The following LILRB4 variants were observed in gnomAD, a reference collection of about 807,000 sequenced individuals.
LILRB4 encodes leukocyte immunoglobulin like receptor B4.
In LILRB4, 49 loss-of-function variants were observed where a neutral mutation model predicts 55.2. That is an observed-to-expected ratio of 0.89 (90% confidence interval 0.71 to 1.13). LILRB4 has a LOEUF of 1.13. LILRB4 is among the 50% of genes most tolerant of loss of function. LILRB4 has a pLI of 0.00. For synonymous variants in LILRB4, 229 were observed against 213.8 expected (o/e 1.07, Z -0.62); for missense variants, 590 against 555.2 (o/e 1.06, Z -0.63).
In LILRB4 at chr19:54,665,159, A is replaced by G; in HGVS notation, c.736A>G (p.Thr246Ala). The change falls in exon 6 of 12, where the codon ACA becomes GCA. Residue 246 changes from threonine to alanine, a missense_variant. By Grantham distance (58) the Thr-to-Ala change is moderately conservative. Coordinates refer to ENST00000430952, the Ensembl canonical transcript of LILRB4. The surrounding 1 kb of genome is among the most constrained non-coding windows in gnomAD (Gnocchi z 5.5). ...CCCTGAGGACCAGCCCCTCATGCCTACAGGGTCAGTCCCCCACAGTGGTGA... is the reference window on the plus strand; with the variant it reads ...CCCTGAGGACCAGCCCCTCATGCCTGCAGGGTCAGTCCCCCACAGTGGTGA... 3 of 1,604,338 alleles carry G rather than the reference A, an allele frequency of 1.9e-6. No individual in the cohort carries two copies. The highest frequency in any genetic ancestry group is 1.1e-5 in the South Asian group (1 of 89,938).
Position 54,664,688 on chromosome 19 carries a change from A to C in LILRB4, c.656-111A>C, listed in dbSNP as rs114172168. 1,567 of 1,050,176 alleles carry C rather than the reference A, an allele frequency of 1.5e-3. 11 individuals are homozygous for C. The African/African-American group carries it at 0.023, about 15-fold the overall frequency. 65.1% of individuals were successfully genotyped at this position (1,050,176 alleles called of 1,614,324 possible). On this transcript the variant is annotated intron_variant, in intron 4 of 11. Coordinates refer to ENST00000430952, the Ensembl canonical transcript of LILRB4. ...AGGGTCCAGAAGGTGCCAGGTGGAC[A>C]GAGAAATGGTCCTTGGGAAGCTGCA...
chr19:54,666,322 C>T lies in LILRB4; in HGVS notation c.950+7C>T. The T allele has an allele frequency of 6.2e-7, 1 of 1,609,244 alleles. No homozygotes were observed. Among genetic ancestry groups the T allele is most frequent in the Non-Finnish European group, 8.5e-7 (1 of 1,177,528 alleles). ...ACGGGGGCCTACAGAGGAGGTAATT[C>T]TGCCCAAAGACCTCAGACTCCCACC... On this transcript the variant is annotated splice_region_variant and intron_variant, in intron 8 of 11. Coordinates refer to ENST00000430952, the Ensembl canonical transcript of LILRB4. The surrounding 1 kb of genome is among the most constrained non-coding windows in gnomAD (Gnocchi z 4.8).
chr19:54,665,852 G>A lies in LILRB4; in HGVS notation c.795G>A (p.Leu265=). ...ACTGGGAGGTACTGATCGGGGTCTT[G>A]GTGGTCTCCATCCTGCTTCTCTCCC... The change falls in exon 7 of 12, where the codon TTG becomes TTA. Residue 265 remains leucine (L), a synonymous_variant. Coordinates refer to ENST00000430952, the Ensembl canonical transcript of LILRB4. The surrounding 1 kb of genome is among the most constrained non-coding windows in gnomAD (Gnocchi z 5.5). 1.2e-6 allele frequency: 2 copies of A among 1,613,282 alleles called. No individual in the cohort carries two copies. The highest frequency in any genetic ancestry group is 1.7e-6 in the Non-Finnish European group (2 of 1,179,690).
Position 54,664,050 on chromosome 19 carries a change from C to T in LILRB4, c.355+12C>T, listed in dbSNP as rs1319719518. The T allele has an allele frequency of 2.5e-6, 4 of 1,608,694 alleles. No individual in the cohort carries two copies. Among genetic ancestry groups the T allele is most frequent in the African/African-American group, 2.7e-5 (2 of 74,024 alleles). ...GCTGGTGATGACAGGTGAGAGGACACTCAGGGGTCCCAGCCCCAGGCTCTG... is the reference window on the plus strand; with the variant it reads ...GCTGGTGATGACAGGTGAGAGGACATTCAGGGGTCCCAGCCCCAGGCTCTG... On this transcript the variant is annotated intron_variant, in intron 3 of 11. Coordinates refer to ENST00000430952, the Ensembl canonical transcript of LILRB4.
intron 1 of LILRB4, 124 bp from the exon 2 acceptor site, chr19:54,663,408 C>A (rs538624431): frequency 6.6e-6 from 9 of 1,360,620 alleles, no homozygotes; most frequent in South Asian, 1.4e-5. Flanking sequence ...ATCGCACCAC[C>A]GCACTCCAGC....
Position 54,666,390 on chromosome 19 carries a change from C to G in LILRB4, c.951-9C>G, listed in dbSNP as rs756042579. Reference sequence around the variant, plus strand: ...CACTGTCCCCTTACACTCCCGTATCCTCCCCCAGGTCCAGCCCAGCTGCTG... The same window carrying G: ...CACTGTCCCCTTACACTCCCGTATCGTCCCCCAGGTCCAGCCCAGCTGCTG... On this transcript the variant is annotated splice_polypyrimidine_tract_variant and intron_variant, in intron 8 of 11. Coordinates refer to ENST00000430952, the Ensembl canonical transcript of LILRB4. This position sits in a 1 kb window ranked among gnomAD's most constrained non-coding sequence, Gnocchi z 4.8. 1.2e-6 allele frequency: 2 copies of G among 1,614,016 alleles called. No homozygotes were observed. Among genetic ancestry groups the G allele is most frequent in the Non-Finnish European group, 1.7e-6 (2 of 1,179,884 alleles).
At chr19:54,664,396 A>C (rs1346521522) in exon 4 of LILRB4, 1 of 1,613,528 alleles carries the variant, frequency 6.2e-7, no homozygotes, top group Non-Finnish European at 8.5e-7. Flanking sequence ...ACCTCAGTGC[A>C]CGGGGGGACC....
At chr19:54,664,115 T>C (rs562552048) in intron 3 of LILRB4, 71 bp from the exon 4 acceptor site, 1 of 1,596,626 alleles carries the variant, frequency 6.3e-7, no homozygotes, top group East Asian at 2.2e-5. Flanking sequence ...CATCTCCCTC[T>C]CACAGCCCAG....
In LILRB4 at chr19:54,666,401, C is replaced by T. The variant is rs1342893182; in HGVS notation, c.953C>T (p.Ser318Phe). 1.2e-6 allele frequency: 2 copies of T among 1,614,132 alleles called. No homozygotes were observed. The highest frequency in any genetic ancestry group is 1.7e-5 in the Admixed American group (1 of 60,018). ...TACACTCCCGTATCCTCCCCCAGGT[C>T]CAGCCCAGCTGCTGACGTCCAGGGA... The change falls in exon 9 of 12, where the codon TCC becomes TTC. Residue 318 changes from serine (S) to phenylalanine (F), a missense_variant and splice_region_variant. Transcript: ENST00000430952. The surrounding 1 kb of genome is among the most constrained non-coding windows in gnomAD (Gnocchi z 4.8).
rs113589569 is a variant in LILRB4, at chr19:54,667,866, G to A, written c.1198-7G>A. 5,448 of 1,396,054 alleles carry A rather than the reference G, an allele frequency of 3.9e-3. 101 individuals carry two copies. The African/African-American group carries it at 0.098, about 25-fold the overall frequency. 86.5% of individuals were successfully genotyped at this position (1,396,054 alleles called of 1,614,324 possible). ...CGTTCCTTCCCTCTCACTCTCCCCC[G>A]CTGCAGGCTGCTGCATCTGAAGCCC... On this transcript the variant is annotated splice_region_variant and splice_polypyrimidine_tract_variant and intron_variant, in intron 11 of 11. Transcript: ENST00000430952.
Position 54,666,557 on chromosome 19 carries a change from C to T in LILRB4, c.988+121C>T. 6.9e-7 allele frequency: 1 copy of T among 1,449,794 alleles called. No homozygotes were observed. Among genetic ancestry groups the T allele is most frequent in the Admixed American group, 1.8e-5 (1 of 56,912 alleles). The allele number at this position is 1,449,794 out of a possible 1,614,324, so 89.8% of individuals were successfully genotyped here. A position where few individuals can be genotyped will look rare whatever the true frequency, so the allele number is the denominator to read the frequency against. On this transcript the variant is annotated intron_variant, in intron 9 of 11. Transcript: ENST00000430952. This position sits in a 1 kb window ranked among gnomAD's most constrained non-coding sequence, Gnocchi z 4.8. ...GGGACTCAGGGAGAAGTGGTCTGAA[C>T]CCACATTGTGGGACCTCGGGGACAT...
chr19:54,665,907 C>A lies in LILRB4; in HGVS notation c.850C>A (p.Arg284Ser). 1.2e-6 allele frequency: 2 copies of A among 1,613,798 alleles called. No homozygotes were observed. The highest frequency in any genetic ancestry group is 1.7e-6 in the Non-Finnish European group (2 of 1,179,948). Residue 284 changes from arginine (R) to serine (S), a missense_variant, in exon 7 of 12, where the codon CGT becomes AGT. Arg to Ser is a moderately radical substitution (Grantham distance 110, BLOSUM62 -1). Coordinates refer to ENST00000430952, the Ensembl canonical transcript of LILRB4. The surrounding 1 kb of genome is among the most constrained non-coding windows in gnomAD (Gnocchi z 5.5). ...CCTCTTCCTCCTCCTCCAACACTGGCGTCAGGGAAAACACAGGACATTGGG... is the reference window on the plus strand; with the variant it reads ...CCTCTTCCTCCTCCTCCAACACTGGAGTCAGGGAAAACACAGGACATTGGG...
At chr19:54,664,196 T>G in exon 4 of LILRB4, 1 of 1,611,750 alleles carries the variant, frequency 6.2e-7, no homozygotes, top group Non-Finnish European at 8.5e-7. Flanking sequence ...GAGCCTACAG[T>G]AAACCCACCC....
rs754692982 is a variant in LILRB4, at chr19:54,665,953, C to A, written c.874+22C>A. The A allele has an allele frequency of 6.2e-7, 1 of 1,613,428 alleles. No homozygotes were observed. Among genetic ancestry groups the A allele is most frequent in the Non-Finnish European group, 8.5e-7 (1 of 1,179,826 alleles). ...TTGGGTAAGTAGGAAATTGGGGGAC[C>A]CGTGGGCTGATGGAGGGTGGGCTCA... On this transcript the variant is annotated intron_variant, in intron 7 of 11. Transcript: ENST00000430952. This position sits in a 1 kb window ranked among gnomAD's most constrained non-coding sequence, Gnocchi z 5.5.
rs778903434 is a variant in LILRB4 at position 54,664,837 on chromosome 19, G to T, written c.694G>T (p.Val232Phe). ...TCCCAGGCCCTCACCCACAAGGTCC[G>T]TCTCAACAGCTGGTGAGTCTCAGAG... The change falls in exon 5 of 12, where the codon GTC (valine) becomes TTC (phenylalanine). Residue 232 changes from valine to phenylalanine, a missense_variant. Coordinates refer to ENST00000430952, the Ensembl canonical transcript of LILRB4. 8 of 1,611,412 alleles carry T rather than the reference G, an allele frequency of 5.0e-6. No homozygotes were observed. The Admixed American group carries it at 1.2e-4, about 24-fold the overall frequency.
intron 4 of LILRB4, 73 bp from the exon 5 acceptor site, chr19:54,664,726 G>A (rs773128753): frequency 1.2e-5 from 15 of 1,222,442 alleles, no homozygotes; most frequent in Admixed American, 2.2e-5. Flanking sequence ...GCAGATATAG[G>A]GAGAGGTTCA....
chr19:54,663,704 A>T (rs2065121889), intron 2 of LILRB4, 50 bp from the exon 3 acceptor site: 12 of 1,610,334 alleles, frequency 7.5e-6, no homozygotes, highest in Middle Eastern at 1.8e-4. Context: ...GAGAGCTGGG[A>T]TCTGAGGGCT....
intron 10 of LILRB4, chr19:54,667,002 C>T (rs2065304641): frequency 1.4e-6 from 1 of 695,546 alleles, no homozygotes; most frequent in Non-Finnish European, 2.7e-6. Context: ...GCTCCCCAGG[C>T]CTCAGGAGGA....
exon 12 of LILRB4, chr19:54,668,133 C>T (rs2065382625): frequency 8.2e-7 from 1 of 1,212,724 alleles, no homozygotes; most frequent in Non-Finnish European, 1.2e-6. Context: ...CTGACACAGA[C>T]CACTAGAAGA....
Sources: gnomAD v4.1 joint callset for allele counts on GRCh38, gnomAD v4.1.1 for gene constraint, Gnocchi (gnomAD v3.1) non-coding constraint, MANE v1.5 for transcripts, NCBI Gene and HGNC (gene_info 2026-07-23, HGNC 2026-07-21) for gene names.